The following STXBP5L variants were observed in gnomAD, a reference collection of about 807,000 sequenced individuals.
STXBP5L encodes the protein syntaxin binding protein 5L, also known as syntaxin-binding protein 5-like.
In STXBP5L, 65 loss-of-function variants were observed where a neutral mutation model predicts 144.5. The ratio of observed to expected loss-of-function variants is 0.45; its 90% CI spans 0.37 to 0.55. STXBP5L has a LOEUF of 0.55. Ranked by LOEUF, STXBP5L falls within the 20% of genes least tolerant of loss-of-function variation. The probability of loss-of-function intolerance (pLI) is 0.00; values close to 1 mark genes in which losing one functional copy is unlikely to be tolerated. For synonymous variants in STXBP5L, 505 were observed against 469.6 expected, an observed-to-expected ratio of 1.08 and a Z score of -0.97; for missense variants, 1,298 against 1,405.5, an observed-to-expected ratio of 0.92 and a Z score of 1.22.
chr3:121,325,597 A>G (rs994490525), intron 20 of STXBP5L, among the ~76,000 whole-genome samples: 4 of 152,044 alleles, frequency 2.6e-5, no homozygotes, highest in Non-Finnish European at 4.4e-5. Flanking sequence ...AGAAATATAC[A>G]TTCCATGAAA....
At position 121,018,695 on chromosome 3, in the gene STXBP5L, TAAG is replaced by T. The variant is rs1028721499; in HGVS notation, c.288-23002_288-23000del. Among the ~76,000 whole-genome samples, 12 of 152,244 alleles carry T rather than the reference TAAG, an allele frequency of 7.9e-5. No individual in the cohort carries two copies. The East Asian group carries it at 2.3e-3, about 29-fold the overall frequency. On this transcript the variant is annotated intron_variant, in intron 3 of 26. Transcript: ENST00000471454. ...TGTAATAGCTTTTTAGGTACAATAG[TAAG>T]AAAAGAATCGGTAACTTGGATTTTA...
At chr3:120,961,729 A>C (rs1046866899) in intron 3 of STXBP5L, among the ~76,000 whole-genome samples, 10 of 152,142 alleles carry the variant, frequency 6.6e-5, no homozygotes, top group African/African-American at 1.9e-4. Flanking sequence ...TGCCACCATA[A>C]ACATACGTGT....
At chr3:121,228,088 G>A (rs1032932555) in intron 11 of STXBP5L, among the ~76,000 whole-genome samples, 2 of 152,150 alleles carry the variant, frequency 1.3e-5, no homozygotes, top group African/African-American at 2.4e-5. Flanking sequence ...TAATAGAATG[G>A]TGTTCACTGC....
intron 5 of STXBP5L, among the ~76,000 whole-genome samples, chr3:121,097,358 G>T (rs1299440044): frequency 6.6e-6 from 1 of 152,120 alleles, no homozygotes; most frequent in East Asian, 1.9e-4. Context: ...ACTGGGGTAT[G>T]GAAAGAAAAA....
At chr3:121,061,646 G>C (rs970200350) in intron 5 of STXBP5L, among the ~76,000 whole-genome samples, 1 of 152,162 alleles carries the variant, frequency 6.6e-6, no homozygotes, top group African/African-American at 2.4e-5. Flanking sequence ...GTGAATCCGG[G>C]TGCTCCTGTA....
intron 3 of STXBP5L, among the ~76,000 whole-genome samples, chr3:121,003,683 C>T (rs1345620039): frequency 2.0e-5 from 3 of 151,960 alleles, no homozygotes; most frequent in Non-Finnish European, 2.9e-5. Context: ...TTTATGGTTT[C>T]AGGTCTAACA....
At chr3:121,258,172 A>C (rs1383281848) in intron 17 of STXBP5L, among the ~76,000 whole-genome samples, 1 of 152,202 alleles carries the variant, frequency 6.6e-6, no homozygotes, top group Non-Finnish European at 1.5e-5. Flanking sequence ...GTAATATTTT[A>C]TGATTTTAGT....
intron 8 of STXBP5L, among the ~76,000 whole-genome samples, chr3:121,153,447 A>T (rs2046001853): frequency 1.3e-5 from 2 of 152,020 alleles, no homozygotes; most frequent in South Asian, 4.1e-4. Context: ...ACCTAATCTT[A>T]TATAGGAAAA....
intron 9 of STXBP5L, among the ~76,000 whole-genome samples, chr3:121,182,683 TATGCAAAAGA>T (rs1391222802): frequency 1.3e-5 from 2 of 151,862 alleles, no homozygotes; most frequent in Non-Finnish European, 2.9e-5. Flanking sequence ...AAACAAAAAA[TATGCAAAAGA>T]TAAATGAAAC....
intron 9 of STXBP5L, among the ~76,000 whole-genome samples, chr3:121,169,768 T>C (rs1347376556): frequency 6.6e-6 from 1 of 152,140 alleles, no homozygotes; most frequent in African/African-American, 2.4e-5. Flanking sequence ...CACTCTACTG[T>C]CTATGTTAGA....
At chr3:121,295,320 A>G (rs924271467) in intron 19 of STXBP5L, among the ~76,000 whole-genome samples, 2 of 152,104 alleles carry the variant, frequency 1.3e-5, no homozygotes, top group Non-Finnish European at 2.9e-5. Context: ...AAAAGAAATG[A>G]GAGAACTACA....
rs191972565 is a variant in STXBP5L, at chr3:121,348,287, T to C, written c.2176+29747T>C. 3.1e-3 allele frequency among the ~76,000 whole-genome samples: 477 copies of C among 152,300 alleles called. 7 individuals are homozygous for C. Among genetic ancestry groups the C allele is most frequent in the Middle Eastern group, 3.4e-3 (1 of 294 alleles). ...TTGACTTGCATATGTTGAACCAGCC[T>C]TGCGTCCCAGGGATGAAGTCCACTT... On this transcript the variant is annotated intron_variant, in intron 20 of 26. Transcript: ENST00000471454.
At chr3:121,264,864 C>T (rs912274416) in intron 18 of STXBP5L, among the ~76,000 whole-genome samples, 1 of 147,774 alleles carries the variant, frequency 6.8e-6, no homozygotes, top group South Asian at 2.1e-4. Flanking sequence ...CTTAAACAAC[C>T]AAAGATCAAA....
intron 8 of STXBP5L, among the ~76,000 whole-genome samples, chr3:121,153,512 A>G (rs1265461955): frequency 1.3e-5 from 2 of 151,966 alleles, no homozygotes; most frequent in Non-Finnish European, 2.9e-5. Context: ...ACACACACAC[A>G]TTTATTTTAG....
At chr3:121,196,829 C>G (rs1407669799) in intron 9 of STXBP5L, among the ~76,000 whole-genome samples, 1 of 131,954 alleles carries the variant, frequency 7.6e-6, no homozygotes, top group Non-Finnish European at 1.7e-5. Flanking sequence ...GCTACCATGC[C>G]CAGATTATTG....
intron 20 of STXBP5L, among the ~76,000 whole-genome samples, chr3:121,367,439 C>A (rs1223343751): frequency 2.6e-5 from 4 of 151,906 alleles, no homozygotes; most frequent in African/African-American, 9.7e-5. Flanking sequence ...TTCCTCTTAG[C>A]ATTTTAAATA....
intron 25 of STXBP5L, among the ~76,000 whole-genome samples, 193 bp downstream of exon 25, chr3:121,416,161 G>A (rs2047226852): frequency 6.6e-6 from 1 of 151,838 alleles, no homozygotes; most frequent in Non-Finnish European, 1.5e-5. Context: ...AACATGGAAA[G>A]TGGTCACTTC....
chr3:121,378,787 G>A lies in STXBP5L; in HGVS notation c.2248G>A (p.Asp750Asn), dbSNP rs746783421. 8 of 1,613,568 alleles carry A rather than the reference G, an allele frequency of 5.0e-6. No individual in the cohort carries two copies. The highest frequency in any genetic ancestry group is 2.2e-5 in the East Asian group (1 of 44,852). ...CSSGKRLSSA[D>N]VSKVNRWGPG... ...TTCTGGAAAACGTCTTTCTAGTGCC[G>A]ATGTTTCAAAAGTAAATCGCTGGGG... The change falls in exon 21 of 27, where the codon GAT becomes AAT. Residue 750 changes from aspartate to asparagine, a missense_variant. Physicochemically the swap from Asp to Asn is conservative, Grantham distance 23. Transcript: ENST00000471454.
intron 22 of STXBP5L, among the ~76,000 whole-genome samples, chr3:121,393,171 C>A (rs1364188252): frequency 1.4e-5 from 2 of 148,050 alleles, no homozygotes; most frequent in African/African-American, 2.5e-5. Context: ...TCATTTCTCT[C>A]ATGACTAATG....
Sources: allele counts gnomAD v4.1 joint callset (sites outside exome capture counted in the v4.1 genomes callset), GRCh38; gene constraint gnomAD v4.1.1; transcripts MANE v1.5; gene names NCBI Gene and HGNC (gene_info 2026-07-23, HGNC 2026-07-21).